HECW1: variants seen among roughly 807,000 people sequenced by gnomAD.
HECW1 encodes HECT, C2 and WW domain containing E3 ubiquitin protein ligase 1.
In HECW1, 61 loss-of-function variants were observed where a neutral mutation model predicts 182.3. The ratio of observed to expected loss-of-function variants is 0.33; its 90% CI spans 0.27 to 0.41. HECW1 has a LOEUF of 0.41. Among genes scored for constraint, HECW1 ranks in the 10% least tolerant of loss-of-function variants. HECW1 has a pLI of 1.00. For missense variants in HECW1, 1,739 were observed against 2,108.9 expected (o/e 0.82, Z 3.44); for synonymous variants, 859 against 832.6 (o/e 1.03, Z -0.55).
At chr7:43,223,015 C>T (rs558181535) in intron 2 of HECW1, among the ~76,000 whole-genome samples, 4 of 152,334 alleles carry the variant, frequency 2.6e-5, no homozygotes, top group African/African-American at 9.6e-5. Context: ...ATGTCCGAAA[C>T]CAAACTCTTG....
chr7:43,304,837 A>G (rs1456799050), intron 3 of HECW1, among the ~76,000 whole-genome samples: 1 of 152,192 alleles, frequency 6.6e-6, no homozygotes, highest in Non-Finnish European at 1.5e-5. Context: ...CTTGCCAGGC[A>G]CTACTTTTGC....
chr7:43,284,324 G>A (rs1365655791), intron 3 of HECW1, among the ~76,000 whole-genome samples: 3 of 152,010 alleles, frequency 2.0e-5, no homozygotes, highest in East Asian at 3.8e-4. Flanking sequence ...AGTAACATAT[G>A]CATTATCTCA....
chr7:43,499,479 G>A (rs548999375), intron 19 of HECW1, among the ~76,000 whole-genome samples: 21,079 of 146,912 alleles, frequency 0.14, 2,021 homozygotes, highest in Non-Finnish European at 0.2. Flanking sequence ...AAAAAAAAAA[G>A]AAAGAAAGAA....
chr7:43,543,781 CAA>C (rs35618213), intron 26 of HECW1, among the ~76,000 whole-genome samples: 309 of 49,620 alleles, frequency 6.2e-3, no homozygotes, highest in African/African-American at 0.019. Flanking sequence ...CTCCATCTCA[CAA>C]AAAAAAAAAA....
chr7:43,548,402 C>G (rs185203464), intron 26 of HECW1, among the ~76,000 whole-genome samples: 454 of 152,240 alleles, frequency 3.0e-3, no homozygotes, highest in Non-Finnish European at 2.6e-3. Context: ...ACCCACGCTG[C>G]TCAAGGGTCA....
At chr7:43,189,594 TAAAAA>T (rs976482436) in intron 2 of HECW1, among the ~76,000 whole-genome samples, 1 of 151,620 alleles carries the variant, frequency 6.6e-6, no homozygotes, top group African/African-American at 2.4e-5. Flanking sequence ...TAAAACACAT[TAAAAA>T]AAAGAAAGAG....
intron 2 of HECW1, among the ~76,000 whole-genome samples, chr7:43,162,320 G>A (rs1790629618): frequency 6.6e-6 from 1 of 152,216 alleles, no homozygotes; most frequent in East Asian, 1.9e-4. Flanking sequence ...TCCAGGCATT[G>A]GCAGGGCTGT....
chr7:43,346,526 A>G (rs1230015468), intron 5 of HECW1, among the ~76,000 whole-genome samples: 2 of 151,924 alleles, frequency 1.3e-5, no homozygotes, highest in African/African-American at 4.8e-5. Context: ...CTTTGTTTTT[A>G]TTGCATTTGC....
chr7:43,267,677 C>T (rs1801944982), intron 3 of HECW1, among the ~76,000 whole-genome samples: 1 of 151,646 alleles, frequency 6.6e-6, no homozygotes, highest in African/African-American at 2.4e-5. Flanking sequence ...ACTTGGGGGA[C>T]CAAACACTCT....
At chr7:43,387,295 T>C (rs1338289162) in intron 6 of HECW1, among the ~76,000 whole-genome samples, 1 of 152,094 alleles carries the variant, frequency 6.6e-6, no homozygotes, top group Admixed American at 6.5e-5. Context: ...TGTTCTACCT[T>C]TTTCTAAGTC....
Position 43,456,341 on chromosome 7 carries a change from G to C in HECW1, c.2545G>C (p.Asp849His). Residue 849 changes from aspartate (D) to histidine (H), a missense_variant, in exon 13 of 30, where the codon GAC becomes CAC. By Grantham distance (81) the Asp-to-His change is moderately conservative. This residue lies in a region of HECW1 where 971 missense variants were observed against 1,029.1 expected (regional missense o/e 0.94). Transcript: ENST00000395891. ...IDSHGRVFYV[D>H]HVNRTTTWQR... ...CAGCCACGGGCGGGTCTTTTATGTG[G>C]ACCACGTGAACCGCACAACCACCTG... The C allele has an allele frequency of 1.2e-6, 2 of 1,613,864 alleles. No homozygotes were observed. Among genetic ancestry groups the C allele is most frequent in the Non-Finnish European group, 1.7e-6 (2 of 1,179,886 alleles).
intron 2 of HECW1, among the ~76,000 whole-genome samples, chr7:43,237,463 G>A (rs1369008850): frequency 6.6e-6 from 1 of 152,200 alleles, no homozygotes; most frequent in African/African-American, 2.4e-5. Flanking sequence ...TCTGGAGCCA[G>A]GTGCCTGGCT....
intron 2 of HECW1, among the ~76,000 whole-genome samples, chr7:43,153,294 T>C (rs374431388): frequency 7.9e-5 from 12 of 152,326 alleles, no homozygotes. Flanking sequence ...TCTTCTGCTG[T>C]CTGGTCAGCA....
At chr7:43,437,934 A>C in intron 8 of HECW1, 69 bp from the exon 9 acceptor site, 1 of 1,500,940 alleles carries the variant, frequency 6.7e-7, no homozygotes. Context: ...GCATCAAGGC[A>C]GATGGACTGG....
chr7:43,200,076 A>T (rs1411633065), intron 2 of HECW1, among the ~76,000 whole-genome samples: 1 of 152,192 alleles, frequency 6.6e-6, no homozygotes, highest in East Asian at 1.9e-4. Flanking sequence ...TTAAGGTCCT[A>T]TTATCTGACA....
At chr7:43,288,505 T>C (rs1804960094) in intron 3 of HECW1, among the ~76,000 whole-genome samples, 1 of 152,082 alleles carries the variant, frequency 6.6e-6, no homozygotes, top group African/African-American at 2.4e-5. Flanking sequence ...GAAAGGGAAA[T>C]ATACAGACTA....
intron 21 of HECW1, 117 bp from the exon 22 acceptor site, chr7:43,507,020 A>G (rs1257861213): frequency 3.5e-5 from 44 of 1,270,650 alleles, no homozygotes; most frequent in Non-Finnish European, 4.3e-5. Flanking sequence ...CGGTAAGCCG[A>G]GAGCACACCA....
intron 8 of HECW1, among the ~76,000 whole-genome samples, chr7:43,409,589 T>C (rs2075730039): frequency 6.6e-6 from 1 of 152,242 alleles, no homozygotes; most frequent in Non-Finnish European, 1.5e-5. Flanking sequence ...GATTTTGTTC[T>C]GGCAGAATAC....
chr7:43,330,327 C>T (rs926315583), intron 5 of HECW1, among the ~76,000 whole-genome samples: 12 of 152,312 alleles, frequency 7.9e-5, no homozygotes, highest in Admixed American at 3.9e-4. Flanking sequence ...TGCTGGCAGG[C>T]CCAGAGTTTC....
Sources: allele counts gnomAD v4.1 joint callset (sites outside exome capture counted in the v4.1 genomes callset), GRCh38; gene constraint gnomAD v4.1.1; regional missense constraint gnomAD v4.1.1; transcripts MANE v1.5; gene names NCBI Gene and HGNC (gene_info 2026-07-23, HGNC 2026-07-21).